The following SLC35F4 variants were observed in gnomAD, a reference collection of about 807,000 sequenced individuals.
SLC35F4 encodes solute carrier family 35 member F4.
SLC35F4 carries 24 observed loss-of-function variants against 44.2 expected under a neutral mutation model. The observed-to-expected ratio is 0.54, with a 90% CI of 0.39 to 0.76. SLC35F4 has a LOEUF of 0.76. SLC35F4 is among the 30% of genes least tolerant of loss of function. The pLI is 0.00. For missense variants in SLC35F4, 562 were observed against 586.1 expected (o/e 0.96, Z 0.42); for synonymous variants, 238 against 223.6 (o/e 1.06, Z -0.57).
At chr14:57,761,701 C>A (rs1237603059) in intron 1 of SLC35F4, among the ~76,000 whole-genome samples, 3 of 151,986 alleles carry the variant, frequency 2.0e-5, no homozygotes, top group Non-Finnish European at 4.4e-5. Context: ...TATTCTTAAC[C>A]AGAGACTAAA....
chr14:57,977,248 G>T (rs1881245460), intron 1 of SLC35F4, among the ~76,000 whole-genome samples: 1 of 152,158 alleles, frequency 6.6e-6, no homozygotes. Context: ...GTAGTTTTTA[G>T]TGGGGTTACA....
intron 1 of SLC35F4, among the ~76,000 whole-genome samples, chr14:57,749,628 G>A (rs1449217946): frequency 1.3e-5 from 2 of 152,126 alleles, no homozygotes; most frequent in Non-Finnish European, 2.9e-5. Context: ...TTTGTCCCTG[G>A]TACAGGGCAG....
intron 1 of SLC35F4, among the ~76,000 whole-genome samples, chr14:57,745,969 A>C (rs1328100972): frequency 2.6e-5 from 4 of 152,166 alleles, no homozygotes; most frequent in African/African-American, 7.2e-5. Context: ...CATTCTCAGC[A>C]AACTATCGCA....
chr14:57,956,875 T>G (rs1390214841), intron 1 of SLC35F4, among the ~76,000 whole-genome samples: 1 of 152,124 alleles, frequency 6.6e-6, no homozygotes, highest in African/African-American at 2.4e-5. Context: ...TTGCGGAAGA[T>G]AGTGTGGCAA....
intron 1 of SLC35F4, among the ~76,000 whole-genome samples, chr14:57,845,900 C>G (rs1177692473): frequency 6.6e-6 from 1 of 152,092 alleles, no homozygotes; most frequent in Non-Finnish European, 1.5e-5. Flanking sequence ...GGAGACAGCC[C>G]TACACACTAG....
chr14:57,858,758 CTA>C (rs1234497665), intron 1 of SLC35F4, among the ~76,000 whole-genome samples: 4 of 150,644 alleles, frequency 2.7e-5, no homozygotes, highest in Admixed American at 2.6e-4. Flanking sequence ...CATGATGAGA[CTA>C]TGACCAGAGT....
chr14:57,918,537 C>T (rs1889377741), intron 1 of SLC35F4, among the ~76,000 whole-genome samples: 2 of 152,240 alleles, frequency 1.3e-5, no homozygotes, highest in South Asian at 4.1e-4. Context: ...ACATGTCAGA[C>T]CAGAAATTTG....
chr14:57,576,308 A>T (rs1469683498), intron 4 of SLC35F4, among the ~76,000 whole-genome samples: 2 of 152,180 alleles, frequency 1.3e-5, no homozygotes, highest in Non-Finnish European at 2.9e-5. Context: ...CTAGGTGAGT[A>T]TGAAGCAGCT....
intron 2 of SLC35F4, among the ~76,000 whole-genome samples, 177 bp downstream of exon 2, chr14:57,593,762 C>T (rs2070330347): frequency 6.6e-6 from 1 of 152,194 alleles, no homozygotes; most frequent in Admixed American, 6.5e-5. Context: ...CTATACACCA[C>T]TAATAGATTG....
intron 1 of SLC35F4, among the ~76,000 whole-genome samples, chr14:57,751,358 A>G (rs1383806226): frequency 6.6e-6 from 1 of 152,200 alleles, no homozygotes; most frequent in Non-Finnish European, 1.5e-5. Flanking sequence ...AGAGAAGGTA[A>G]GACACCCAGT....
intron 1 of SLC35F4, among the ~76,000 whole-genome samples, chr14:57,666,186 C>A (rs2074302422): frequency 6.6e-6 from 1 of 152,136 alleles, no homozygotes; most frequent in South Asian, 2.1e-4. Flanking sequence ...AACTAAGGCA[C>A]CAACAGGGTA....
rs769290818 is a variant in SLC35F4 at position 57,564,334 on chromosome 14, C to T, written c.1259G>A (p.Arg420His). Residue 420 changes from arginine to histidine, a missense_variant, in exon 8 of 8, where the codon CGC becomes CAC. Arg to His is a conservative substitution (Grantham distance 29). Transcript: ENST00000556826. ...LKQEVIFNVV[R>H]LAATIIICIG... ...GCAGATGATGATGGTAGCAGCCAGG[C>T]GGACAACATTGAATATCACCTCCTG... 21 of 1,610,638 alleles carry T rather than the reference C, an allele frequency of 1.3e-5. 1 individual carries two copies. The highest frequency in any genetic ancestry group is 8.9e-5 in the East Asian group (4 of 44,766).
At chr14:57,692,610 A>C (rs563702074) in intron 1 of SLC35F4, among the ~76,000 whole-genome samples, 10 of 152,210 alleles carry the variant, frequency 6.6e-5, no homozygotes, top group African/African-American at 2.2e-4. Context: ...ATGGCACTTA[A>C]ATTTTTAAAT....
At chr14:57,732,441 G>T (rs1345378694) in intron 1 of SLC35F4, among the ~76,000 whole-genome samples, 2 of 152,302 alleles carry the variant, frequency 1.3e-5, no homozygotes, top group South Asian at 2.1e-4. Context: ...GTTCCAAAAT[G>T]CTGTAGGAGT....
chr14:57,927,148 G>A (rs1889591129), intron 1 of SLC35F4, among the ~76,000 whole-genome samples: 1 of 152,182 alleles, frequency 6.6e-6, no homozygotes, highest in Non-Finnish European at 1.5e-5. Flanking sequence ...AGCCGTCCCT[G>A]TGGATCAAGG....
rs183367004 is a variant in SLC35F4 at position 57,625,679 on chromosome 14, T to C, written c.104-31555A>G. Among the ~76,000 whole-genome samples the C allele has an allele frequency of 7.7e-3, 1,169 of 152,202 alleles. 8 individuals are homozygous for C. Among genetic ancestry groups the C allele is most frequent in the Non-Finnish European group, 0.014 (950 of 68,008 alleles). Reference sequence around the variant, plus strand: ...ACAACCATCTGGTCTTCGACAAACCTGACAAAAACAAGCAATGGAGAAAGG... The same window carrying C: ...ACAACCATCTGGTCTTCGACAAACCCGACAAAAACAAGCAATGGAGAAAGG... On this transcript the variant is annotated intron_variant, in intron 1 of 7. Coordinates refer to ENST00000556826, the MANE Select transcript of SLC35F4 (RefSeq NM_001306087.2).
rs1884125762 is a variant in SLC35F4, at chr14:57,829,494, T to C, written c.103+36229A>G. On this transcript the variant is annotated intron_variant, in intron 1 of 7. Coordinates refer to ENST00000556826, the MANE Select transcript of SLC35F4 (RefSeq NM_001306087.2). Reference sequence around the variant, plus strand: ...GTGACAGAATACAAGCTGAAAGAGTTGTACAAAGCAGGTCTAAAACGCTGT... The same window carrying C: ...GTGACAGAATACAAGCTGAAAGAGTCGTACAAAGCAGGTCTAAAACGCTGT... 2.0e-5 allele frequency among the ~76,000 whole-genome samples: 3 copies of C among 152,254 alleles called. No individual in the cohort carries two copies. The South Asian group carries it at 6.2e-4, about 32-fold the overall frequency.
intron 1 of SLC35F4, among the ~76,000 whole-genome samples, chr14:57,786,985 G>A (rs1407049711): frequency 6.6e-6 from 1 of 152,206 alleles, no homozygotes; most frequent in Non-Finnish European, 1.5e-5. Context: ...CCAGAGAAAG[G>A]TGAAGCCCAG....
At chr14:57,731,067 A>G (rs914447469) in intron 1 of SLC35F4, among the ~76,000 whole-genome samples, 2 of 152,202 alleles carry the variant, frequency 1.3e-5, no homozygotes, top group African/African-American at 4.8e-5. Context: ...TTAGATTCCT[A>G]GAAAAGGGGA....
Sources: allele counts gnomAD v4.1 joint callset (sites outside exome capture counted in the v4.1 genomes callset), GRCh38; gene constraint gnomAD v4.1.1; transcripts MANE v1.5; gene names NCBI Gene and HGNC (gene_info 2026-07-23, HGNC 2026-07-21).